Variants in KCNQ5 observed in about 807,000 individuals in gnomAD.
KCNQ5 encodes potassium voltage-gated channel subfamily KQT member 5.
Under a neutral mutation model 98.2 loss-of-function variants are expected in KCNQ5, and 30 were observed. The ratio of observed to expected loss-of-function variants is 0.31; its 90% CI spans 0.23 to 0.41. The LOEUF is 0.41. Ranked by LOEUF, KCNQ5 falls within the 10% of genes least tolerant of loss-of-function variation. KCNQ5 has a pLI of 1.00. For synonymous variants in KCNQ5, 458 were observed against 449.4 expected (o/e 1.02, Z -0.24); for missense variants, 835 against 1,182.5 (o/e 0.71, Z 4.31).
chr6:72,724,065 A>G (rs1239319039), intron 1 of KCNQ5, among the ~76,000 whole-genome samples: 1 of 151,922 alleles, frequency 6.6e-6, no homozygotes, highest in African/African-American at 2.4e-5. Flanking sequence ...TGTTATCTCT[A>G]TAGATGTTTA....
chr6:72,726,611 G>T (rs1038013210), intron 1 of KCNQ5, among the ~76,000 whole-genome samples: 3 of 152,266 alleles, frequency 2.0e-5, no homozygotes, highest in Non-Finnish European at 2.9e-5. Flanking sequence ...AAAAAATCTT[G>T]TGAAAGGTGA....
At chr6:72,824,847 A>T (rs1454978308) in intron 1 of KCNQ5, among the ~76,000 whole-genome samples, 2 of 151,902 alleles carry the variant, frequency 1.3e-5, no homozygotes, top group Admixed American at 1.3e-4. Flanking sequence ...TAAAATTTGG[A>T]TACGTAAATA....
chr6:73,108,653 T>C (rs968399738), intron 6 of KCNQ5, among the ~76,000 whole-genome samples: 2 of 152,000 alleles, frequency 1.3e-5, no homozygotes, highest in African/African-American at 4.8e-5. Flanking sequence ...GGTGAAACCA[T>C]ATATCTACTA....
intron 10 of KCNQ5, among the ~76,000 whole-genome samples, chr6:73,165,147 C>CT (rs897824189): frequency 5.3e-5 from 8 of 151,934 alleles, no homozygotes; most frequent in African/African-American, 9.7e-5. Context: ...CCATGCCTGG[C>CT]TTTTTTTATT....
At chr6:72,976,817 C>G (rs1768179660) in intron 1 of KCNQ5, among the ~76,000 whole-genome samples, 1 of 152,212 alleles carries the variant, frequency 6.6e-6, no homozygotes, top group Non-Finnish European at 1.5e-5. Flanking sequence ...AAGCTGAATG[C>G]AGAGGTCTGT....
At chr6:73,077,665 CAAG>C (rs748112413) in intron 4 of KCNQ5, 94 bp from the exon 5 acceptor site, 8 of 1,314,114 alleles carry the variant, frequency 6.1e-6, no homozygotes, top group Non-Finnish European at 8.4e-6. Flanking sequence ...CATAAACATC[CAAG>C]AAGTAGTAAA....
chr6:73,178,438 A>T (rs888256997), intron 11 of KCNQ5, among the ~76,000 whole-genome samples: 3 of 149,776 alleles, frequency 2.0e-5, no homozygotes, highest in African/African-American at 7.4e-5. Flanking sequence ...ATTAAAAAAA[A>T]ACAAAAACTC....
chr6:72,699,084 ACT>A (rs1453976883), intron 1 of KCNQ5, among the ~76,000 whole-genome samples: 1 of 152,212 alleles, frequency 6.6e-6, no homozygotes, highest in East Asian at 1.9e-4. Context: ...CCATTCTAAC[ACT>A]GTTTTGGCTG....
At chr6:72,685,599 TATC>T (rs1461199991) in intron 1 of KCNQ5, among the ~76,000 whole-genome samples, 3 of 152,352 alleles carry the variant, frequency 2.0e-5, no homozygotes, top group Admixed American at 2.0e-4. Context: ...TCATAAATGT[TATC>T]ATATCATACA....
At position 73,195,172 on chromosome 6, in the gene KCNQ5, G is replaced by T; in HGVS notation, c.2557G>T (p.Gly853Cys). The change falls in exon 14 of 14, where the codon GGC becomes TGC. Residue 853 changes from glycine to cysteine, a missense_variant. Around this residue, in one of 10 missense-constraint regions of KCNQ5, gnomAD observed 416 missense variants for 446.9 expected, o/e 0.93. Coordinates refer to ENST00000370398, the MANE Select transcript of KCNQ5 (RefSeq NM_019842.4). ...ACAACTTTCAGGGAGTGAGTCAAGTGGCTCCAGAGGCAGCCAAGATTTTTA... is the reference window on the plus strand; with the variant it reads ...ACAACTTTCAGGGAGTGAGTCAAGTTGCTCCAGAGGCAGCCAAGATTTTTA... ...NIQLSGSESS[G>C]SRGSQDFYPK... 1 of 1,614,178 alleles carries T rather than the reference G, an allele frequency of 6.2e-7. No homozygotes were observed.
At position 73,196,732 on chromosome 6, in the gene KCNQ5, A is replaced by G. The variant is rs546161894; in HGVS notation, c.*1318A>G. 3 of 152,304 alleles carry G rather than the reference A, an allele frequency of 2.0e-5. No individual in the cohort carries two copies. The highest frequency in any genetic ancestry group is 7.2e-5 in the African/African-American group (3 of 41,574). 9.4% of individuals were successfully genotyped at this position (152,304 alleles called of 1,614,324 possible). ...GAAATTACTGGTTCAATTTCCTGATATAAACATTTACAATTAGAAGCTAGA... is the reference window on the plus strand; with the variant it reads ...GAAATTACTGGTTCAATTTCCTGATGTAAACATTTACAATTAGAAGCTAGA... On this transcript the variant is annotated 3_prime_UTR_variant, in exon 14 of 14. Transcript: ENST00000370398.
intron 1 of KCNQ5, among the ~76,000 whole-genome samples, chr6:72,895,319 G>A (rs1779208956): frequency 6.7e-6 from 1 of 150,146 alleles, no homozygotes; most frequent in African/African-American, 2.4e-5. Context: ...AAACTCCATA[G>A]GTGATTCGTG....
chr6:72,972,695 T>G (rs1440504467), intron 1 of KCNQ5, among the ~76,000 whole-genome samples: 2 of 152,158 alleles, frequency 1.3e-5, no homozygotes, highest in Non-Finnish European at 2.9e-5. Context: ...AAGAGCTGCT[T>G]CTTTGTATAA....
chr6:72,782,862 G>T (rs568431350), intron 1 of KCNQ5, among the ~76,000 whole-genome samples: 2 of 152,282 alleles, frequency 1.3e-5, no homozygotes, highest in South Asian at 4.1e-4. Flanking sequence ...GCCTAGAATG[G>T]TTCCTGTTGC....
At chr6:73,107,489 A>C (rs1050315378) in intron 6 of KCNQ5, among the ~76,000 whole-genome samples, 1 of 152,220 alleles carries the variant, frequency 6.6e-6, no homozygotes, top group Non-Finnish European at 1.5e-5. Flanking sequence ...AGTGTTCAAA[A>C]TGTGTATCCT....
chr6:72,705,491 T>C (rs1308214260), intron 1 of KCNQ5, among the ~76,000 whole-genome samples: 1 of 152,170 alleles, frequency 6.6e-6, no homozygotes, highest in East Asian at 1.9e-4. Flanking sequence ...TTTAAGTAGG[T>C]GCAGATTGAC....
intron 1 of KCNQ5, among the ~76,000 whole-genome samples, chr6:72,738,923 C>T (rs368332320): frequency 2.6e-5 from 4 of 152,098 alleles, no homozygotes; most frequent in African/African-American, 4.8e-5. Flanking sequence ...AGGCAGAACC[C>T]GGAGGATTTT....
intron 10 of KCNQ5, among the ~76,000 whole-genome samples, chr6:73,150,718 A>C (rs924841451): frequency 2.0e-5 from 3 of 151,670 alleles, no homozygotes; most frequent in African/African-American, 7.3e-5. Flanking sequence ...AATGCAGCTG[A>C]ATCTTGTGAG....
At chr6:73,075,309 G>A (rs1285696147) in intron 3 of KCNQ5, among the ~76,000 whole-genome samples, 1 of 150,084 alleles carries the variant, frequency 6.7e-6, no homozygotes, top group Non-Finnish European at 1.5e-5. Flanking sequence ...TGCAACCTCC[G>A]CCTCCTGGGT....
Sources: gnomAD v4.1 joint callset for allele counts (sites outside exome capture counted in the v4.1 genomes callset) on GRCh38, gnomAD v4.1.1 for gene constraint, gnomAD v4.1.1 regional missense constraint, MANE v1.5 for transcripts, NCBI Gene and HGNC (gene_info 2026-07-23, HGNC 2026-07-21) for gene names.